NELL2: variants seen among roughly 807,000 people sequenced by gnomAD.
The protein encoded by NELL2 is neural EGFL like 2, also known as protein kinase C-binding protein NELL2.
A neutral mutation model predicts 109.6 loss-of-function variants in NELL2; 41 were observed. That is an observed-to-expected ratio of 0.37 (90% CI 0.29 to 0.49). The LOEUF is 0.49. NELL2 is among the 20% of genes least tolerant of loss of function. The probability of loss-of-function intolerance (pLI) is 0.98; values close to 1 mark genes in which losing one functional copy is unlikely to be tolerated. For synonymous variants in NELL2, 355 were observed against 344.7 expected (o/e 1.03, Z -0.33); for missense variants, 900 against 1,008.3 (o/e 0.89, Z 1.45).
chr12:44,920,054 G>A (rs1945857279), intron 1 of NELL2, among the ~76,000 whole-genome samples: 1 of 152,122 alleles, frequency 6.6e-6, no homozygotes, highest in Non-Finnish European at 1.5e-5. Flanking sequence ...TTAGAAACTG[G>A]AGAGCTTTTC....
intron 3 of NELL2, among the ~76,000 whole-genome samples, chr12:44,787,997 C>A (rs1166247082): frequency 6.6e-6 from 1 of 152,008 alleles, no homozygotes; most frequent in Non-Finnish European, 1.5e-5. Context: ...CATTTTAAGA[C>A]CCTGTGAAAA....
intron 9 of NELL2, among the ~76,000 whole-genome samples, chr12:44,762,222 C>T (rs567182466): frequency 6.6e-6 from 1 of 152,276 alleles, no homozygotes; most frequent in Admixed American, 6.5e-5. Flanking sequence ...TTAAACATAA[C>T]ATGTCTAAAT....
At chr12:44,882,155 A>T (rs1945418521) in intron 1 of NELL2, among the ~76,000 whole-genome samples, 1 of 151,988 alleles carries the variant, frequency 6.6e-6, no homozygotes, top group Admixed American at 6.5e-5. Flanking sequence ...GAAGAGAAAT[A>T]ATACCATAAA....
At chr12:44,675,883 T>C (rs1948297418) in intron 12 of NELL2, among the ~76,000 whole-genome samples, 1 of 152,082 alleles carries the variant, frequency 6.6e-6, no homozygotes, top group African/African-American at 2.4e-5. Context: ...TTAAAATTAG[T>C]CTATGGACTC....
chr12:44,520,007 T>C lies in NELL2; in HGVS notation c.2398A>G (p.Lys800Glu), dbSNP rs1214255617. The change falls in exon 19 of 20, where the codon AAG (lysine) becomes GAG (glutamate). Residue 800 changes from lysine (K) to glutamate (E), a missense_variant and splice_region_variant. Lys to Glu is a moderately conservative substitution (Grantham distance 56, BLOSUM62 1). Transcript: ENST00000429094. ...TATTTAAATTTAATGGAGTTTACCT[T>C]GCACTGGCAGAGAGTACACTCAGTG... The part of the protein sequence containing the change: ...HGTECTLCQC[K>E]NGHICCSVDP... The C allele has an allele frequency of 6.2e-7, 1 of 1,613,198 alleles. No individual in the cohort carries two copies. The highest frequency in any genetic ancestry group is 8.5e-7 in the Non-Finnish European group (1 of 1,179,160).
At chr12:44,913,969 T>C (rs557801326), upstream of NELL2, 5 of 355,238 alleles carry the variant, frequency 1.4e-5, no homozygotes, top group East Asian at 4.0e-4. Flanking sequence ...TTCTCTCACA[T>C]CCCACATCCA....
At chr12:44,668,464 G>A (rs1948018491) in intron 12 of NELL2, among the ~76,000 whole-genome samples, 1 of 152,068 alleles carries the variant, frequency 6.6e-6, no homozygotes, top group South Asian at 2.1e-4. Flanking sequence ...CTTTATCCAG[G>A]GACCTGAGGA....
intron 9 of NELL2, among the ~76,000 whole-genome samples, chr12:44,746,479 A>G (rs1251464699): frequency 6.6e-6 from 1 of 152,246 alleles, no homozygotes; most frequent in Non-Finnish European, 1.5e-5. Context: ...GCTTCTGCAC[A>G]GCAAAAGAAA....
intron 13 of NELL2, among the ~76,000 whole-genome samples, chr12:44,657,247 C>T (rs529696897): frequency 3.2e-4 from 48 of 152,242 alleles, no homozygotes; most frequent in Non-Finnish European, 5.7e-4. Flanking sequence ...GACTGACAAA[C>T]AGGACACTAG....
intron 2 of NELL2, among the ~76,000 whole-genome samples, chr12:44,869,569 T>C (rs373578716): frequency 2.1e-4 from 32 of 150,928 alleles, no homozygotes; most frequent in East Asian, 1.6e-3. Context: ...AGATCTCCCA[T>C]GTATGTCATG....
intron 2 of NELL2, among the ~76,000 whole-genome samples, chr12:44,842,109 G>GAGGA (rs1204151112): frequency 1.3e-3 from 51 of 38,742 alleles, no homozygotes; most frequent in South Asian, 3.6e-3. Context: ...GGGAGGGAGG[G>GAGGA]AGGAAGGAAG....
rs150932682 is a variant in NELL2, at chr12:44,665,574, G to A, written c.1354C>T (p.Arg452Cys). 1.7e-3 allele frequency: 2,754 copies of A among 1,613,336 alleles called. 7 individuals are homozygous for A. Among genetic ancestry groups the A allele is most frequent in the Non-Finnish European group, 2.2e-3 (2,610 of 1,179,450 alleles). ...GTGTTGACACACATTGTATTTTCAC[G>A]ACAGTAATGGCGCCCTTCAGCACAC... ...DECAEGRHYC[R>C]ENTMCVNTPG... Residue 452 changes from arginine (R) to cysteine (C), a missense_variant, in exon 13 of 20, where the codon CGT (arginine) becomes TGT (cysteine). Coordinates refer to ENST00000429094, the MANE Select transcript of NELL2 (RefSeq NM_001145108.2).
At chr12:44,625,496 G>A (rs74081513) in intron 13 of NELL2, among the ~76,000 whole-genome samples, 26,332 of 151,674 alleles carry the variant, frequency 0.17, 3,569 homozygotes, top group African/African-American at 0.38. Context: ...CCAAACCTTC[G>A]GCAGGTACCC....
At chr12:44,688,910 T>C (rs1948815881) in intron 12 of NELL2, among the ~76,000 whole-genome samples, 2 of 152,210 alleles carry the variant, frequency 1.3e-5, no homozygotes, top group African/African-American at 4.8e-5. Flanking sequence ...TAAATACTTG[T>C]TTAACATTGG....
At chr12:44,555,879 A>G (rs150685466) in intron 15 of NELL2, among the ~76,000 whole-genome samples, 345 of 152,264 alleles carry the variant, frequency 2.3e-3, no homozygotes, top group African/African-American at 7.2e-3. Flanking sequence ...TTGATTAAAG[A>G]GAGGATGTCT....
intron 13 of NELL2, among the ~76,000 whole-genome samples, chr12:44,650,634 G>A (rs776428548): frequency 6.6e-6 from 1 of 152,012 alleles, no homozygotes; most frequent in African/African-American, 2.4e-5. Context: ...ACCCCAATGT[G>A]GCTGTATTTA....
At chr12:44,576,701 C>T (rs1345730137) in intron 15 of NELL2, among the ~76,000 whole-genome samples, 1 of 152,090 alleles carries the variant, frequency 6.6e-6, no homozygotes, top group Non-Finnish European at 1.5e-5. Context: ...CCTCCCCCCA[C>T]CACCCCACAA....
At chr12:44,693,148 C>T (rs1361827341) in intron 12 of NELL2, among the ~76,000 whole-genome samples, 2 of 152,146 alleles carry the variant, frequency 1.3e-5, no homozygotes, top group Non-Finnish European at 2.9e-5. Flanking sequence ...CCATCCTAAC[C>T]TTCAGCAACT....
chr12:44,824,779 C>T (rs1476194807), intron 2 of NELL2, among the ~76,000 whole-genome samples: 1 of 149,570 alleles, frequency 6.7e-6, no homozygotes, highest in Non-Finnish European at 1.5e-5. Flanking sequence ...GGCATGATCT[C>T]GGCTAATCGC....
Sources: gnomAD v4.1 joint callset for allele counts (sites outside exome capture counted in the v4.1 genomes callset) on GRCh38, gnomAD v4.1.1 for gene constraint, MANE v1.5 for transcripts, NCBI Gene and HGNC (gene_info 2026-07-23, HGNC 2026-07-21) for gene names.